The following PHIP variants were observed in gnomAD, a reference collection of about 807,000 sequenced individuals.
PHIP encodes PHIP subunit of CUL4-Ring ligase complex.
In PHIP, 54 loss-of-function variants were observed where a neutral mutation model predicts 236.8. That is an observed-to-expected ratio of 0.23 (90% CI 0.18 to 0.29). PHIP has a LOEUF of 0.29. Ranked by LOEUF, PHIP falls within the 10% of genes least tolerant of loss-of-function variation. The pLI, the probability that PHIP is intolerant of heterozygous loss-of-function variation, is 1.00. For synonymous variants in PHIP, 756 were observed against 718.9 expected, an observed-to-expected ratio of 1.05 and a Z score of -0.83; for missense variants, 1,370 against 2,190.8, an observed-to-expected ratio of 0.63 and a Z score of 7.48.
chr6:79,012,086 A>G (rs966364207), intron 15 of PHIP, among the ~76,000 whole-genome samples: 3 of 151,714 alleles, frequency 2.0e-5, no homozygotes, highest in African/African-American at 7.2e-5. Flanking sequence ...AAATTTCAAA[A>G]AAAGAATTTA....
intron 19 of PHIP, among the ~76,000 whole-genome samples, chr6:78,995,336 T>A (rs1769540051): frequency 6.6e-6 from 1 of 152,190 alleles, no homozygotes; most frequent in African/African-American, 2.4e-5. Flanking sequence ...TATGTTCAGG[T>A]TTTTGTGTGA....
chr6:79,029,792 C>T (rs548411220), intron 7 of PHIP, among the ~76,000 whole-genome samples: 2 of 152,154 alleles, frequency 1.3e-5, no homozygotes, highest in Admixed American at 6.5e-5. Flanking sequence ...GGCCTCCCAA[C>T]GTGCTGGGAT....
intron 4 of PHIP, among the ~76,000 whole-genome samples, chr6:79,075,986 T>G (rs1455780339): frequency 1.3e-5 from 2 of 152,350 alleles, no homozygotes; most frequent in East Asian, 3.9e-4. Flanking sequence ...TGGAGTTTAC[T>G]TCCAGCTCCA....
intron 6 of PHIP, among the ~76,000 whole-genome samples, chr6:79,048,129 C>A (rs1037226902): frequency 1.3e-5 from 2 of 151,502 alleles, no homozygotes; most frequent in Non-Finnish European, 2.9e-5. Context: ...CATAAGTCCA[C>A]GTAAAAATGT....
chr6:79,069,627 T>C (rs971135810), intron 4 of PHIP, among the ~76,000 whole-genome samples: 3 of 152,120 alleles, frequency 2.0e-5, no homozygotes, highest in Non-Finnish European at 2.9e-5. Flanking sequence ...AGCTTCCTTA[T>C]TAGAACTTTA....
At chr6:79,019,025 C>G (rs899340359) in intron 10 of PHIP, 64 bp downstream of exon 10, 2 of 1,064,562 alleles carry the variant, frequency 1.9e-6, no homozygotes, top group Non-Finnish European at 2.9e-6. Flanking sequence ...AAATATTACA[C>G]ACTCCACTAT....
rs896936128 is a variant in PHIP at position 79,078,100 on chromosome 6, A to T, written c.-32T>A. On this transcript the variant is annotated 5_prime_UTR_variant, in exon 1 of 40. Coordinates refer to ENST00000275034, the MANE Select transcript of PHIP (RefSeq NM_017934.7). The stretch of plus-strand genomic sequence containing the variant: ...GGGTCACTTCAGGGCCGCCGACGGG[A>T]CACCCCGCCGCCGAGGGGAAGCGGG... 2.5e-6 allele frequency: 4 copies of T among 1,603,796 alleles called. No homozygotes were observed. The highest frequency in any genetic ancestry group is 3.4e-6 in the Non-Finnish European group (4 of 1,176,852).
At chr6:79,009,290 T>C (rs1016746143) in intron 15 of PHIP, among the ~76,000 whole-genome samples, 1 of 152,130 alleles carries the variant, frequency 6.6e-6, no homozygotes, top group Admixed American at 6.5e-5. Flanking sequence ...TAAATTTCTA[T>C]GAACATGTCT....
At chr6:79,052,196 G>A (rs74730331) in intron 6 of PHIP, among the ~76,000 whole-genome samples, 5,660 of 152,240 alleles carry the variant, frequency 0.037, 145 homozygotes, top group Non-Finnish European at 0.054. Flanking sequence ...ATATCTGGGA[G>A]TCTGGGAAAA....
At chr6:78,983,926 A>T (rs1768704555) in intron 22 of PHIP, among the ~76,000 whole-genome samples, 1 of 152,162 alleles carries the variant, frequency 6.6e-6, no homozygotes, top group Non-Finnish European at 1.5e-5. Context: ...CTTCTATATT[A>T]ATTTTAGTAT....
chr6:79,046,066 C>T (rs1772468777), intron 6 of PHIP, among the ~76,000 whole-genome samples: 1 of 152,124 alleles, frequency 6.6e-6, no homozygotes, highest in South Asian at 2.1e-4. Flanking sequence ...CACCAACTTC[C>T]TGATACATCA....
At chr6:79,010,348 G>A (rs546108270) in intron 15 of PHIP, among the ~76,000 whole-genome samples, 2 of 151,420 alleles carry the variant, frequency 1.3e-5, no homozygotes, top group Admixed American at 6.6e-5. Flanking sequence ...CGTTTGGAAC[G>A]TTGCAAGGAG....
At chr6:78,956,609 A>T (rs1295388928) in intron 32 of PHIP, 1 of 152,048 alleles carries the variant, frequency 6.6e-6, no homozygotes, top group Non-Finnish European at 1.5e-5. Flanking sequence ...GATTTATAGC[A>T]CTGTATCTCT....
Position 78,938,981 on chromosome 6 carries a change from A to G in PHIP, c.*1712T>C, listed in dbSNP as rs1424391717. The G allele has an allele frequency of 6.6e-6, 1 of 151,718 alleles. No homozygotes were observed. Among genetic ancestry groups the G allele is most frequent in the Non-Finnish European group, 1.5e-5 (1 of 67,672 alleles). 9.4% of individuals were successfully genotyped at this position (151,718 alleles called of 1,614,324 possible). A position where few individuals can be genotyped will look rare whatever the true frequency, so the allele number is the denominator to read the frequency against. On this transcript the variant is annotated 3_prime_UTR_variant, in exon 40 of 40. Transcript: ENST00000275034. ...TTCTACATCAGGGTCATGCTGATAC[A>G]TATTTTCCCCATCCTCACTTTTTAA...
chr6:78,978,652 T>G lies in PHIP; in HGVS notation c.2829A>C (p.Ser943=). ...GGGGAATGGTATCTGTAATCCATGT[T>G]GATGGCAACCATTCTTCTAATGTCA... The part of the protein sequence containing the change: ...NGLTLEEWLP[S]TWITDTIPRR... The change falls in exon 24 of 40, where the codon TCA becomes TCC. Residue 943 remains serine, a synonymous_variant. Transcript: ENST00000275034. 2 of 1,598,592 alleles carry G rather than the reference T, an allele frequency of 1.3e-6. No homozygotes were observed. Among genetic ancestry groups the G allele is most frequent in the Non-Finnish European group, 1.7e-6 (2 of 1,169,016 alleles).
At chr6:79,035,881 A>G (rs193207088) in intron 7 of PHIP, among the ~76,000 whole-genome samples, 9 of 152,218 alleles carry the variant, frequency 5.9e-5, no homozygotes, top group African/African-American at 2.2e-4. Flanking sequence ...TTACAAATCA[A>G]CCTAAACCTC....
intron 10 of PHIP, among the ~76,000 whole-genome samples, chr6:79,017,991 C>A (rs1461068173): frequency 6.6e-6 from 1 of 151,850 alleles, no homozygotes; most frequent in Non-Finnish European, 1.5e-5. Context: ...CTTTTCTTTA[C>A]AAACTTTGCA....
intron 13 of PHIP, among the ~76,000 whole-genome samples, chr6:79,016,228 G>A (rs951351994): frequency 4.6e-5 from 7 of 151,708 alleles, no homozygotes; most frequent in Non-Finnish European, 8.8e-5. Context: ...AGAAACCATT[G>A]GACATAAAAT....
At chr6:78,964,636 G>GCA (rs1767015124) in intron 29 of PHIP, among the ~76,000 whole-genome samples, 1 of 152,018 alleles carries the variant, frequency 6.6e-6, no homozygotes, top group South Asian at 2.1e-4. Context: ...GGGACTACAG[G>GCA]CACACGCCAC....
Sources: gnomAD v4.1 joint callset for allele counts (sites outside exome capture counted in the v4.1 genomes callset) on GRCh38, gnomAD v4.1.1 for gene constraint, MANE v1.5 for transcripts, NCBI Gene and HGNC (gene_info 2026-07-23, HGNC 2026-07-21) for gene names.